GREB1L: variants seen among roughly 807,000 people sequenced by gnomAD.
GREB1L encodes the protein GREB1 like retinoic acid receptor coactivator, also known as GREB1-like protein.
Under a neutral mutation model 200.8 loss-of-function variants are expected in GREB1L, and 17 were observed. That is an observed-to-expected ratio of 0.08 (90% CI 0.06 to 0.13). The LOEUF (loss-of-function observed/expected upper bound fraction) is 0.13, where lower values mean the gene tolerates loss of function less well. Ranked by LOEUF, GREB1L falls within the 10% of genes least tolerant of loss-of-function variation. GREB1L has a pLI of 1.00. For synonymous variants in GREB1L, 789 were observed against 893.0 expected (o/e 0.88, Z 2.08); for missense variants, 1,657 against 2,367.7 (o/e 0.70, Z 6.23).
chr18:21,276,925 T>C (rs971828182), intron 1 of GREB1L, among the ~76,000 whole-genome samples: 28 of 72,188 alleles, frequency 3.9e-4, no homozygotes, highest in Middle Eastern at 5.6e-3. Flanking sequence ...AGCCCAGCCC[T>C]TTTTTTTTTT....
chr18:21,484,492 G>A (rs2036050515), intron 17 of GREB1L, among the ~76,000 whole-genome samples: 1 of 152,082 alleles, frequency 6.6e-6, no homozygotes, highest in Admixed American at 6.5e-5. Context: ...GAGTTGGAGA[G>A]CACTTAAATA....
chr18:21,390,260 CT>C (rs2040739657), intron 4 of GREB1L, among the ~76,000 whole-genome samples: 1 of 151,278 alleles, frequency 6.6e-6, no homozygotes, highest in Non-Finnish European at 1.5e-5. Context: ...ATTTTATTAT[CT>C]ATGTTATTTC....
chr18:21,320,033 A>G (rs1567935354), intron 1 of GREB1L, among the ~76,000 whole-genome samples: 1 of 152,238 alleles, frequency 6.6e-6, no homozygotes, highest in Non-Finnish European at 1.5e-5. Flanking sequence ...TCTTCTGATC[A>G]AGAAGTTAAA....
In GREB1L at chr18:21,263,860, C is replaced by G. The variant is rs1459968933; in HGVS notation, c.-120+21467C>G. 2.0e-5 allele frequency among the ~76,000 whole-genome samples: 3 copies of G among 152,132 alleles called. No individual in the cohort carries two copies. In the East Asian group the frequency reaches 5.8e-4, roughly 29 times the overall value. On this transcript the variant is annotated intron_variant, in intron 1 of 32. Transcript: ENST00000424526. ...CAGAGAGTAGTTAAGTGTCATTTTT[C>G]ATAAGACAAGAACAACCTTCACTGC...
intron 2 of GREB1L, among the ~76,000 whole-genome samples, chr18:21,366,947 A>G (rs1287840917): frequency 6.6e-6 from 1 of 152,130 alleles, no homozygotes; most frequent in Non-Finnish European, 1.5e-5. Context: ...AACATCTGGA[A>G]AATGGTCAGA....
intron 23 of GREB1L, among the ~76,000 whole-genome samples, chr18:21,504,978 AGT>A (rs1223401458): frequency 1.3e-5 from 2 of 152,080 alleles, no homozygotes. Context: ...GTGTGGCCTG[AGT>A]GTGGGAATTT....
At chr18:21,357,563 A>G (rs1366475314) in intron 1 of GREB1L, among the ~76,000 whole-genome samples, 1 of 152,216 alleles carries the variant, frequency 6.6e-6, no homozygotes. Flanking sequence ...TGTCCAGACC[A>G]ATGTCATGAG....
At chr18:21,501,251 T>C (rs1344749102) in intron 23 of GREB1L, among the ~76,000 whole-genome samples, 1 of 151,028 alleles carries the variant, frequency 6.6e-6, no homozygotes, top group Non-Finnish European at 1.5e-5. Flanking sequence ...TTGGGCTGTT[T>C]TTTTTTTTTT....
At chr18:21,306,828 AGGG>A (rs2144749052) in intron 1 of GREB1L, among the ~76,000 whole-genome samples, 1 of 152,362 alleles carries the variant, frequency 6.6e-6, no homozygotes, top group East Asian at 1.9e-4. Flanking sequence ...TTAAGGGAGA[AGGG>A]AGAAGAAAAC....
At chr18:21,318,105 C>CAAAAAAA (rs61304976) in intron 1 of GREB1L, among the ~76,000 whole-genome samples, 1 of 89,668 alleles carries the variant, frequency 1.1e-5, no homozygotes, top group Non-Finnish European at 2.4e-5. Context: ...GAGATTCCGT[C>CAAAAAAA]AAAAAAAAAA....
chr18:21,299,376 T>C (rs926699913), intron 1 of GREB1L, among the ~76,000 whole-genome samples: 3 of 152,158 alleles, frequency 2.0e-5, no homozygotes, highest in Admixed American at 6.5e-5. Flanking sequence ...ATTCGGATCT[T>C]TTTGTGCTTT....
At chr18:21,254,628 A>G (rs953548985) in intron 1 of GREB1L, among the ~76,000 whole-genome samples, 17 of 152,174 alleles carry the variant, frequency 1.1e-4, no homozygotes, top group Admixed American at 6.5e-4. Context: ...TATATCACCA[A>G]CATTTCTCAG....
intron 27 of GREB1L, 87 bp from the exon 28 acceptor site, chr18:21,513,734 T>G: frequency 8.0e-7 from 1 of 1,251,112 alleles, no homozygotes; most frequent in Non-Finnish European, 1.1e-6. Context: ...AGGCATTCTG[T>G]GGAGAGAATA....
intron 15 of GREB1L, among the ~76,000 whole-genome samples, chr18:21,470,448 G>A (rs914146233): frequency 3.3e-5 from 5 of 151,872 alleles, no homozygotes; most frequent in South Asian, 4.2e-4. Context: ...TCTTACATAC[G>A]TTTTGTAAGA....
chr18:21,252,405 A>G (rs564530579), intron 1 of GREB1L, among the ~76,000 whole-genome samples: 12 of 151,798 alleles, frequency 7.9e-5, no homozygotes, highest in African/African-American at 2.9e-4. Flanking sequence ...TAAAAATACA[A>G]AACTAGCCTG....
chr18:21,406,875 CTTT>C (rs369137235), intron 7 of GREB1L, among the ~76,000 whole-genome samples: 4 of 131,942 alleles, frequency 3.0e-5, no homozygotes, highest in Non-Finnish European at 3.2e-5. Context: ...CATTTTCTTC[CTTT>C]TTTTTTTTTT....
At chr18:21,500,790 C>T in intron 23 of GREB1L, 148 bp downstream of exon 23, 1 of 619,698 alleles carries the variant, frequency 1.6e-6, no homozygotes, top group Non-Finnish European at 2.7e-6. Context: ...TGCCCAAGGC[C>T]AGGCATGGCG....
intron 4 of GREB1L, among the ~76,000 whole-genome samples, chr18:21,386,292 A>G (rs1598736071): frequency 6.6e-6 from 1 of 152,038 alleles, no homozygotes; most frequent in Non-Finnish European, 1.5e-5. Flanking sequence ...TAGTTTGTAG[A>G]TACCTTTTTT....
chr18:21,441,320 A>C, intron 9 of GREB1L, 80 bp from the exon 10 acceptor site: 1 of 1,172,544 alleles, frequency 8.5e-7, no homozygotes, highest in African/African-American at 1.6e-5. Context: ...CTCTGTTAAA[A>C]GTATTAAAAC....
Sources: allele counts gnomAD v4.1 joint callset (sites outside exome capture counted in the v4.1 genomes callset), GRCh38; gene constraint gnomAD v4.1.1; transcripts MANE v1.5; gene names NCBI Gene and HGNC (gene_info 2026-07-23, HGNC 2026-07-21).